The following EPHB1 variants were observed in gnomAD, a reference collection of about 807,000 sequenced individuals.
The protein encoded by EPHB1 is EPH receptor B1, also known as ephrin type-B receptor 1.
In EPHB1, 30 loss-of-function variants were observed where a neutral mutation model predicts 94.4. The ratio of observed to expected loss-of-function variants is 0.32; its 90% CI spans 0.24 to 0.43. The LOEUF is 0.43. EPHB1 is among the 20% of genes least tolerant of loss of function. The pLI is 1.00. For missense variants in EPHB1, 1,055 were observed against 1,308.3 expected (o/e 0.81, Z 2.99); for synonymous variants, 522 against 489.1 (o/e 1.07, Z -0.89).
chr3:134,994,811 G>A (rs1310029186), intron 3 of EPHB1, among the ~76,000 whole-genome samples: 1 of 152,096 alleles, frequency 6.6e-6, no homozygotes, highest in Non-Finnish European at 1.5e-5. Flanking sequence ...TTTTTATTGA[G>A]ATAATTATGT....
At position 135,241,325 on chromosome 3, in the gene EPHB1, C is replaced by A. The variant is rs1389977816; in HGVS notation, c.2496+28C>A. Reference sequence around the variant, plus strand: ...GAGTGTCAGCAGCACTTGGTCACCACAAACCCCCATTGAAGGGATCCCAAA... The same window carrying A: ...GAGTGTCAGCAGCACTTGGTCACCAAAAACCCCCATTGAAGGGATCCCAAA... On this transcript the variant is annotated intron_variant, in intron 13 of 15. Transcript: ENST00000398015. The A allele has an allele frequency of 4.3e-6, 7 of 1,613,518 alleles. No homozygotes were observed. The African/African-American group carries it at 6.7e-5, about 15-fold the overall frequency.
chr3:135,102,431 G>A (rs9836334), intron 3 of EPHB1, among the ~76,000 whole-genome samples: 136,939 of 152,242 alleles, frequency 0.9, 62,075 homozygotes, highest in South Asian at 0.98. Flanking sequence ...AAGTGACAGC[G>A]TAGTTTTCTT....
chr3:135,095,605 G>A (rs1225958096), intron 3 of EPHB1, among the ~76,000 whole-genome samples: 1 of 152,110 alleles, frequency 6.6e-6, no homozygotes, highest in Non-Finnish European at 1.5e-5. Context: ...AAAGCCATGG[G>A]CCGAGTGGGT....
At chr3:135,132,156 C>A (rs779488003) in intron 4 of EPHB1, among the ~76,000 whole-genome samples, 1 of 152,124 alleles carries the variant, frequency 6.6e-6, no homozygotes, top group Admixed American at 6.5e-5. Context: ...AAAGCTGGTC[C>A]AATGTAAATA....
Position 135,192,678 on chromosome 3 carries a change from G to C in EPHB1, c.1985G>C (p.Arg662Pro). The change falls in exon 11 of 16, where the codon CGT (arginine) becomes CCT (proline). Residue 662 changes from arginine (R) to proline (P), a missense_variant. Physicochemically the swap from Arg to Pro is moderately radical, Grantham distance 103. Transcript: ENST00000398015. ...AAGGCAGGGTACTCGGAGAAGCAGC[G>C]TCGGGACTTTCTGAGTGAGGCGAGC... ...TLKAGYSEKQ[R>P]RDFLSEASIM... 6.2e-7 allele frequency: 1 copy of C among 1,614,188 alleles called. No individual in the cohort carries two copies. The highest frequency in any genetic ancestry group is 1.1e-5 in the South Asian group (1 of 91,084).
chr3:134,816,382 C>T (rs1436867346), intron 1 of EPHB1, among the ~76,000 whole-genome samples: 4 of 145,288 alleles, frequency 2.8e-5, no homozygotes, highest in South Asian at 2.2e-4. Context: ...TGTGAGCCAC[C>T]GTGCCTGGCT....
At chr3:135,048,238 C>CTT in intron 3 of EPHB1, among the ~76,000 whole-genome samples, 1 of 73,474 alleles carries the variant, frequency 1.4e-5, no homozygotes, top group East Asian at 4.5e-4. Context: ...TTTTTTTTTT[C>CTT]TTTTTCTTTC....
At chr3:135,246,607 G>T (rs552219749) in intron 13 of EPHB1, among the ~76,000 whole-genome samples, 1 of 152,158 alleles carries the variant, frequency 6.6e-6, no homozygotes, top group Non-Finnish European at 1.5e-5. Context: ...GTGCCCCTGG[G>T]CAAATTATTT....
At chr3:134,931,852 T>G (rs2038910446) in intron 2 of EPHB1, among the ~76,000 whole-genome samples, 2 of 152,330 alleles carry the variant, frequency 1.3e-5, no homozygotes, top group South Asian at 4.1e-4. Flanking sequence ...TTTGTACATA[T>G]GTATATATGT....
intron 1 of EPHB1, among the ~76,000 whole-genome samples, chr3:134,858,577 A>G (rs765388944): frequency 2.0e-5 from 3 of 152,172 alleles, no homozygotes; most frequent in Non-Finnish European, 2.9e-5. Context: ...AACGTAAATT[A>G]AGGAGCCTGG....
chr3:134,912,225 A>G (rs2038469414), intron 1 of EPHB1, among the ~76,000 whole-genome samples: 1 of 152,182 alleles, frequency 6.6e-6, no homozygotes, highest in Non-Finnish European at 1.5e-5. Context: ...AAAGAGCAGG[A>G]GGCAGCAGGT....
intron 3 of EPHB1, among the ~76,000 whole-genome samples, chr3:135,033,797 G>A (rs571033838): frequency 2.6e-5 from 4 of 152,302 alleles, no homozygotes; most frequent in East Asian, 1.9e-4. Context: ...AGCTCTTTTC[G>A]TATTGCATGG....
chr3:135,254,922 A>C (rs1432670793), intron 15 of EPHB1, among the ~76,000 whole-genome samples: 1 of 152,138 alleles, frequency 6.6e-6, no homozygotes, highest in Non-Finnish European at 1.5e-5. Flanking sequence ...CAGAGATTCA[A>C]CTTCTTCCTG....
chr3:134,965,231 AT>A (rs1157537816), intron 3 of EPHB1, among the ~76,000 whole-genome samples: 2 of 152,110 alleles, frequency 1.3e-5, no homozygotes, highest in Non-Finnish European at 2.9e-5. Flanking sequence ...CTTCTAACAT[AT>A]TTTGAATCTT....
At position 135,162,032 on chromosome 3, in the gene EPHB1, C is replaced by T. The variant is rs556530521; in HGVS notation, c.1437C>T (p.Phe479=). The change falls in exon 7 of 16, where the codon TTC becomes TTT. Residue 479 remains phenylalanine (F), a synonymous_variant. Coordinates refer to ENST00000398015, the MANE Select transcript of EPHB1 (RefSeq NM_004441.5). ...IRYYEKEHNE[F]NSSMARSQTN... ...CTTTCTTTTAGGAACACAATGAGTT[C>T]AACTCCTCCATGGCCAGGAGTCAGA... The T allele has an allele frequency of 1.2e-5, 19 of 1,610,526 alleles. No individual in the cohort carries two copies. The highest frequency in any genetic ancestry group is 6.7e-5 in the Admixed American group (4 of 59,566).
At chr3:134,943,953 G>A (rs1187333193) in intron 2 of EPHB1, among the ~76,000 whole-genome samples, 1 of 152,098 alleles carries the variant, frequency 6.6e-6, no homozygotes, top group Non-Finnish European at 1.5e-5. Flanking sequence ...CTATATTAAG[G>A]TATTATTTAC....
At chr3:134,922,260 A>G (rs1190323319) in intron 1 of EPHB1, among the ~76,000 whole-genome samples, 1 of 152,230 alleles carries the variant, frequency 6.6e-6, no homozygotes, top group Non-Finnish European at 1.5e-5. Context: ...CTTCCTCTCC[A>G]GGGAGATGTA....
intron 11 of EPHB1, among the ~76,000 whole-genome samples, chr3:135,194,013 G>A (rs1003308928): frequency 6.6e-6 from 1 of 152,144 alleles, no homozygotes; most frequent in Non-Finnish European, 1.5e-5. Context: ...ATCTTTCTAG[G>A]TGGCCTGCTT....
intron 3 of EPHB1, among the ~76,000 whole-genome samples, chr3:134,963,475 A>G (rs36129): frequency 0.026 from 3,966 of 152,154 alleles, 165 homozygotes; most frequent in African/African-American, 0.091. Context: ...ACACTTCTGG[A>G]TTGGCTTCCA....
Sources: allele counts gnomAD v4.1 joint callset (sites outside exome capture counted in the v4.1 genomes callset), GRCh38; gene constraint gnomAD v4.1.1; transcripts MANE v1.5; gene names NCBI Gene and HGNC (gene_info 2026-07-23, HGNC 2026-07-21).